Variants in KIF6 observed in about 807,000 individuals in gnomAD.
KIF6 encodes kinesin family member 6.
KIF6 carries 106 observed loss-of-function variants against 112.7 expected under a neutral mutation model. That is an observed-to-expected ratio of 0.94 (90% confidence interval 0.80 to 1.11). KIF6 has a LOEUF of 1.11. KIF6 is among the 50% of genes least tolerant of loss of function. The pLI, the probability that KIF6 is intolerant of heterozygous loss-of-function variation, is 0.00. For missense variants in KIF6, 929 were observed against 964.0 expected (o/e 0.96, Z 0.48); for synonymous variants, 339 against 339.9 (o/e 1.00, Z 0.03).
chr6:39,501,494 GAAGT>G lies in KIF6; in HGVS notation c.1645+38505_1645+38508del, dbSNP rs138038247. The stretch of plus-strand genomic sequence containing the variant: ...TGAGGCTGAGATGGCTGAAATGACA[GAAGT>G]AGGCTTCAGAATGTGGATAATAATG... On this transcript the variant is annotated intron_variant, in intron 13 of 22. Transcript: ENST00000287152. Among the ~76,000 whole-genome samples the G allele has an allele frequency of 8.2e-3, 1,255 of 152,296 alleles. 17 individuals are homozygous for G. The highest frequency in any genetic ancestry group is 0.029 in the African/African-American group (1,191 of 41,572).
chr6:39,497,397 T>A (rs1401812143), intron 13 of KIF6, among the ~76,000 whole-genome samples: 1 of 152,196 alleles, frequency 6.6e-6, no homozygotes, highest in Non-Finnish European at 1.5e-5. Flanking sequence ...GGGAAGGCCG[T>A]AAGAGTTTCA....
At chr6:39,518,194 T>A (rs1264060101) in intron 13 of KIF6, among the ~76,000 whole-genome samples, 1 of 152,196 alleles carries the variant, frequency 6.6e-6, no homozygotes, top group African/African-American at 2.4e-5. Flanking sequence ...ACTGTGAGAT[T>A]TACTAGATGT....
intron 17 of KIF6, among the ~76,000 whole-genome samples, chr6:39,361,746 G>A (rs995251780): frequency 1.3e-5 from 2 of 151,480 alleles, no homozygotes; most frequent in East Asian, 2.0e-4. Context: ...GAAGACCAGC[G>A]CCTGGGGCTT....
intron 10 of KIF6, among the ~76,000 whole-genome samples, chr6:39,558,739 C>A (rs1006461138): frequency 4.6e-5 from 7 of 152,118 alleles, no homozygotes; most frequent in Non-Finnish European, 1.0e-4. Flanking sequence ...CTGTCTAGGC[C>A]AAAAGAATCC....
At chr6:39,646,309 T>C (rs979250781) in intron 3 of KIF6, among the ~76,000 whole-genome samples, 1 of 151,696 alleles carries the variant, frequency 6.6e-6, no homozygotes, top group African/African-American at 2.4e-5. Flanking sequence ...AGAGACAGCA[T>C]AGTTGAAAAA....
intron 16 of KIF6, among the ~76,000 whole-genome samples, chr6:39,367,805 G>A (rs569210745): frequency 1.3e-5 from 2 of 152,146 alleles, no homozygotes; most frequent in African/African-American, 4.8e-5. Flanking sequence ...GCAGTTATCT[G>A]ATATTTGAAA....
intron 16 of KIF6, among the ~76,000 whole-genome samples, chr6:39,368,691 C>G (rs1028459127): frequency 6.6e-6 from 1 of 152,178 alleles, no homozygotes; most frequent in Non-Finnish European, 1.5e-5. Context: ...GTGTGAGGAG[C>G]TATATACCCA....
chr6:39,711,206 T>G (rs1203476729), intron 3 of KIF6, among the ~76,000 whole-genome samples: 2 of 140,688 alleles, frequency 1.4e-5, no homozygotes, highest in Non-Finnish European at 3.1e-5. Context: ...AAAAAAATCC[T>G]TACCTAGACT....
At chr6:39,563,583 AATTCTCTATT>A (rs1224497617) in intron 10 of KIF6, among the ~76,000 whole-genome samples, 4 of 152,216 alleles carry the variant, frequency 2.6e-5, no homozygotes, top group Non-Finnish European at 5.9e-5. Flanking sequence ...ACCATAACCC[AATTCTCTATT>A]ATAAATAGTT....
At chr6:39,613,576 G>A (rs1318874039) in intron 5 of KIF6, among the ~76,000 whole-genome samples, 2 of 152,034 alleles carry the variant, frequency 1.3e-5, no homozygotes, top group South Asian at 2.1e-4. Flanking sequence ...TAATCAGATC[G>A]CTAAATCATC....
intron 6 of KIF6, among the ~76,000 whole-genome samples, chr6:39,611,131 C>A (rs1783193248): frequency 6.6e-6 from 1 of 152,064 alleles, no homozygotes; most frequent in African/African-American, 2.4e-5. Flanking sequence ...CATGGCGAAA[C>A]CCTGTCTCTA....
At chr6:39,655,267 T>C (rs1033315302) in intron 3 of KIF6, among the ~76,000 whole-genome samples, 1 of 152,164 alleles carries the variant, frequency 6.6e-6, no homozygotes, top group African/African-American at 2.4e-5. Context: ...TATTTCCTCT[T>C]TAGGGAACTG....
intron 10 of KIF6, among the ~76,000 whole-genome samples, chr6:39,577,003 A>G (rs1357153700): frequency 6.6e-6 from 1 of 152,228 alleles, no homozygotes; most frequent in East Asian, 1.9e-4. Flanking sequence ...AGTGTTCTCA[A>G]TATCTATGAT....
In KIF6 at chr6:39,714,728, G is replaced by C; in HGVS notation, c.215C>G (p.Thr72Ser). The change falls in exon 3 of 23, where the codon ACC (threonine) becomes AGC (serine). Residue 72 changes from threonine (T) to serine (S), a missense_variant. Thr to Ser is a moderately conservative substitution (Grantham distance 58). Coordinates refer to ENST00000287152, the MANE Select transcript of KIF6 (RefSeq NM_145027.6). The stretch of plus-strand genomic sequence containing the variant: ...TGGTTTGGCAATGTTTTCAAAAACG[G>C]TCTCTTGGTTTGCATCCTGATCAAA... ...RIFDQDANQETVFENIAKPVA... is the reference protein window; with the variant it reads ...RIFDQDANQESVFENIAKPVA... The C allele has an allele frequency of 6.2e-7, 1 of 1,613,846 alleles. No homozygotes were observed.
chr6:39,534,687 A>G (rs370031079), intron 13 of KIF6, among the ~76,000 whole-genome samples: 29 of 152,310 alleles, frequency 1.9e-4, no homozygotes, highest in East Asian at 7.7e-4. Context: ...GCAGGCCAAC[A>G]TTCAGATTCA....
intron 13 of KIF6, among the ~76,000 whole-genome samples, chr6:39,461,166 G>A (rs1773449033): frequency 6.6e-6 from 1 of 152,164 alleles, no homozygotes; most frequent in African/African-American, 2.4e-5. Context: ...CTTGTTTAAT[G>A]TCCAACTTAA....
At chr6:39,490,211 CACTT>C (rs775926894) in intron 13 of KIF6, among the ~76,000 whole-genome samples, 32 of 152,214 alleles carry the variant, frequency 2.1e-4, no homozygotes, top group Non-Finnish European at 4.6e-4. Context: ...TTCTCACTGA[CACTT>C]ACATGAGTCC....
At chr6:39,690,258 A>G (rs1307867409) in intron 3 of KIF6, 1 of 152,138 alleles carries the variant, frequency 6.6e-6, no homozygotes, top group Non-Finnish European at 1.5e-5. Context: ...ATAGTGAAAG[A>G]GTGAGAGTAT....
chr6:39,346,082 C>CTT (rs1763721302), intron 20 of KIF6, among the ~76,000 whole-genome samples: 1 of 19,952 alleles, frequency 5.0e-5, no homozygotes, highest in East Asian at 1.3e-3. Context: ...CTCTCTCTCT[C>CTT]TCTCCCCCCC....
Sources: gnomAD v4.1 joint callset for allele counts (sites outside exome capture counted in the v4.1 genomes callset) on GRCh38, gnomAD v4.1.1 for gene constraint, MANE v1.5 for transcripts, NCBI Gene and HGNC (gene_info 2026-07-23, HGNC 2026-07-21) for gene names.